The following GALNTL6 variants were observed in gnomAD, a reference collection of about 807,000 sequenced individuals.
GALNTL6 encodes the protein polypeptide N-acetylgalactosaminyltransferase like 6, also known as polypeptide N-acetylgalactosaminyltransferase-like 6.
GALNTL6 carries 46 observed loss-of-function variants against 73.7 expected under a neutral mutation model. The observed-to-expected ratio is 0.62, with a 90% confidence interval of 0.49 to 0.80. The LOEUF is 0.80. GALNTL6 is among the 30% of genes least tolerant of loss of function. The probability of loss-of-function intolerance (pLI) is 0.00; values close to 1 mark genes in which losing one functional copy is unlikely to be tolerated. For missense variants in GALNTL6, 604 were observed against 755.0 expected (o/e 0.80, Z 2.34); for synonymous variants, 259 against 263.7 (o/e 0.98, Z 0.17).
chr4:172,579,788 AGGAAGGAAGGAG>A (rs35672538), intron 5 of GALNTL6, among the ~76,000 whole-genome samples: 81,968 of 126,818 alleles, frequency 0.65, 29,729 homozygotes, highest in Non-Finnish European at 0.8. Context: ...TAAATGAGGA[AGGAAGGAAGGAG>A]GGAAGGAAGG....
At chr4:172,420,595 T>C (rs1331851001) in intron 5 of GALNTL6, among the ~76,000 whole-genome samples, 1 of 152,170 alleles carries the variant, frequency 6.6e-6, no homozygotes, top group Non-Finnish European at 1.5e-5. Flanking sequence ...TAGCTCTGAA[T>C]GTCTCATGTA....
At chr4:172,200,570 A>G (rs1735920808) in intron 2 of GALNTL6, among the ~76,000 whole-genome samples, 1 of 152,230 alleles carries the variant, frequency 6.6e-6, no homozygotes, top group Non-Finnish European at 1.5e-5. Context: ...GAAACCGTGC[A>G]CTGATGCAGA....
At position 171,865,095 on chromosome 4, in the gene GALNTL6, G is replaced by C. The variant is rs368569615; in HGVS notation, c.138+50377G>C. ...CGGGAGGCGGAGATTGCCGTGAACC[G>C]AGATCACGCCATTGCACTCCAGCCT... On this transcript the variant is annotated intron_variant, in intron 2 of 12. Transcript: ENST00000506823. Among the ~76,000 whole-genome samples the C allele has an allele frequency of 2.6e-5, 4 of 151,758 alleles. No individual in the cohort carries two copies. In the South Asian group the frequency reaches 8.3e-4, roughly 32 times the overall value.
At chr4:171,937,218 T>G (rs1175710552) in intron 2 of GALNTL6, among the ~76,000 whole-genome samples, 1 of 152,170 alleles carries the variant, frequency 6.6e-6, no homozygotes, top group Non-Finnish European at 1.5e-5. Context: ...CAATTCACTG[T>G]TTGACATGAG....
intron 7 of GALNTL6, among the ~76,000 whole-genome samples, chr4:172,830,805 A>G (rs910753108): frequency 6.6e-6 from 1 of 152,180 alleles, no homozygotes; most frequent in African/African-American, 2.4e-5. Context: ...TCTCAAGGGT[A>G]GGTTAAAAAG....
intron 8 of GALNTL6, among the ~76,000 whole-genome samples, chr4:172,904,466 G>A (rs1426852253): frequency 6.6e-6 from 1 of 152,140 alleles, no homozygotes; most frequent in Non-Finnish European, 1.5e-5. Flanking sequence ...TTTGTTATGG[G>A]ATGAGGCTGT....
At chr4:172,379,387 G>A (rs1375803521) in intron 5 of GALNTL6, among the ~76,000 whole-genome samples, 6 of 151,840 alleles carry the variant, frequency 4.0e-5, no homozygotes, top group Admixed American at 2.0e-4. Context: ...AAAATTAGCC[G>A]GGCACGGTGG....
intron 2 of GALNTL6, among the ~76,000 whole-genome samples, chr4:172,132,863 C>A (rs1733539105): frequency 6.6e-6 from 1 of 152,040 alleles, no homozygotes; most frequent in South Asian, 2.1e-4. Flanking sequence ...CTTTTTTCCC[C>A]TAATCAAATT....
At chr4:172,678,486 C>T (rs1262950305) in intron 5 of GALNTL6, among the ~76,000 whole-genome samples, 1 of 152,144 alleles carries the variant, frequency 6.6e-6, no homozygotes, top group Non-Finnish European at 1.5e-5. Flanking sequence ...GCTGGGATTA[C>T]AGGCATGCGC....
chr4:171,879,506 A>G (rs1254041638), intron 2 of GALNTL6, among the ~76,000 whole-genome samples: 1 of 152,194 alleles, frequency 6.6e-6, no homozygotes, highest in Admixed American at 6.5e-5. Context: ...TCTGTAATAT[A>G]TCGATCACAA....
Position 173,040,143 on chromosome 4 carries a change from T to G in GALNTL6, c.*43T>G. On this transcript the variant is annotated 3_prime_UTR_variant, in exon 13 of 13. Coordinates refer to ENST00000506823, the MANE Select transcript of GALNTL6 (RefSeq NM_001034845.3). ...AGAGTGATTACCTACAGGTTATAAA[T>G]TAAATTTTAGCCAGCATCTGGGTCG... 3 of 1,472,920 alleles carry G rather than the reference T, an allele frequency of 2.0e-6. No homozygotes were observed. The highest frequency in any genetic ancestry group is 2.8e-6 in the Non-Finnish European group (3 of 1,074,668). The allele number at this position is 1,472,920 out of a possible 1,614,324, so 91.2% of individuals were successfully genotyped here.
chr4:172,364,916 A>C (rs1742501300), intron 5 of GALNTL6, among the ~76,000 whole-genome samples: 1 of 152,206 alleles, frequency 6.6e-6, no homozygotes, highest in African/African-American at 2.4e-5. Flanking sequence ...AAAACTGCAA[A>C]TGTATGTCCT....
intron 8 of GALNTL6, among the ~76,000 whole-genome samples, chr4:172,908,713 A>G (rs1034399058): frequency 6.6e-6 from 1 of 151,776 alleles, no homozygotes; most frequent in Admixed American, 6.6e-5. Context: ...AAAGAAAAAA[A>G]CAATTTACAA....
At chr4:172,355,715 A>G (rs146932591) in intron 5 of GALNTL6, among the ~76,000 whole-genome samples, 1 of 152,120 alleles carries the variant, frequency 6.6e-6, no homozygotes, top group Non-Finnish European at 1.5e-5. Flanking sequence ...TCCTATGAGT[A>G]GCTTTTACAT....
intron 5 of GALNTL6, among the ~76,000 whole-genome samples, chr4:172,787,506 A>C (rs1481789655): frequency 6.6e-6 from 1 of 152,228 alleles, no homozygotes; most frequent in Non-Finnish European, 1.5e-5. Context: ...AGCCTGGAAT[A>C]AACCATCCCA....
At chr4:172,580,894 CT>C (rs1737159594) in intron 5 of GALNTL6, among the ~76,000 whole-genome samples, 1 of 152,148 alleles carries the variant, frequency 6.6e-6, no homozygotes. Context: ...TCCCGAGTAG[CT>C]GGGATTAAGG....
chr4:171,909,796 T>A (rs1737419105), intron 2 of GALNTL6, among the ~76,000 whole-genome samples: 1 of 152,154 alleles, frequency 6.6e-6, no homozygotes. Context: ...AAAACCATAA[T>A]GAGTGTATGA....
intron 2 of GALNTL6, among the ~76,000 whole-genome samples, chr4:171,907,855 T>G (rs1172423999): frequency 2.6e-5 from 4 of 151,968 alleles, no homozygotes; most frequent in African/African-American, 9.7e-5. Context: ...TCTACAACTA[T>G]CTGATCTTTG....
chr4:172,719,481 TAAAA>T (rs1219464345), intron 5 of GALNTL6, among the ~76,000 whole-genome samples: 1 of 151,202 alleles, frequency 6.6e-6, no homozygotes, highest in African/African-American at 2.4e-5. Context: ...GACAAACATT[TAAAA>T]AAAAACACTG....
Sources: allele counts gnomAD v4.1 joint callset (sites outside exome capture counted in the v4.1 genomes callset), GRCh38; gene constraint gnomAD v4.1.1; transcripts MANE v1.5; gene names NCBI Gene and HGNC (gene_info 2026-07-23, HGNC 2026-07-21).